The following FHIT variants were observed in gnomAD, a reference collection of about 807,000 sequenced individuals.
FHIT encodes the protein fragile histidine triad diadenosine triphosphatase, also known as bis(5'-adenosyl)-triphosphatase.
FHIT carries 19 observed loss-of-function variants against 17.9 expected under a neutral mutation model. The observed-to-expected ratio is 1.06, with a 90% confidence interval of 0.74 to 1.56. The LOEUF (loss-of-function observed/expected upper bound fraction) is 1.56. Ranked by LOEUF, FHIT falls within the 40% of genes most tolerant of loss-of-function variation. The probability of loss-of-function intolerance (pLI) is 0.00; values close to 1 mark genes in which losing one functional copy is unlikely to be tolerated. For missense variants in FHIT, 248 were observed against 189.2 expected (o/e 1.31, Z -1.82); for synonymous variants, 81 against 69.7 (o/e 1.16, Z -0.81).
intron 5 of FHIT, among the ~76,000 whole-genome samples, chr3:60,128,894 T>C (rs34600946): frequency 0.19 from 28,682 of 152,132 alleles, 3,366 homozygotes; most frequent in Non-Finnish European, 0.27. Context: ...TTGCACATAA[T>C]AGACATTCAT....
intron 4 of FHIT, among the ~76,000 whole-genome samples, chr3:60,776,442 A>G (rs1293769254): frequency 6.6e-6 from 1 of 152,248 alleles, no homozygotes; most frequent in Non-Finnish European, 1.5e-5. Flanking sequence ...AAATAGAAAC[A>G]GTCTTAAAAA....
chr3:60,437,888 T>A (rs1021082793), intron 5 of FHIT, among the ~76,000 whole-genome samples: 3 of 150,818 alleles, frequency 2.0e-5, no homozygotes, highest in Admixed American at 2.0e-4. Context: ...GACTAGTCAC[T>A]TGAATTAATA....
chr3:61,097,243 A>G (rs147601836), intron 2 of FHIT, among the ~76,000 whole-genome samples: 2,074 of 152,236 alleles, frequency 0.014, 44 homozygotes, highest in African/African-American at 0.047. Flanking sequence ...CAGTGGGTGC[A>G]GGACAGTGGG....
intron 3 of FHIT, among the ~76,000 whole-genome samples, chr3:60,917,407 G>A (rs1553767326): frequency 6.6e-6 from 1 of 152,212 alleles, no homozygotes; most frequent in Non-Finnish European, 1.5e-5. Context: ...CACAGCAGCT[G>A]AAATGATTTT....
At chr3:60,084,641 T>C (rs564067491) in intron 5 of FHIT, among the ~76,000 whole-genome samples, 2 of 152,268 alleles carry the variant, frequency 1.3e-5, no homozygotes, top group East Asian at 1.9e-4. Flanking sequence ...TATAAAAAGA[T>C]GAGACAGAGA....
At chr3:60,735,989 T>C (rs782669672) in intron 4 of FHIT, among the ~76,000 whole-genome samples, 16 of 152,276 alleles carry the variant, frequency 1.1e-4, no homozygotes, top group Middle Eastern at 3.4e-3. Context: ...AAAATGGAGA[T>C]TAAAATGGTA....
intron 8 of FHIT, among the ~76,000 whole-genome samples, chr3:59,808,937 A>G (rs1700308341): frequency 6.6e-6 from 1 of 152,090 alleles, no homozygotes; most frequent in Admixed American, 6.5e-5. Context: ...GTGCTTGAAA[A>G]ACTATATTTT....
intron 3 of FHIT, among the ~76,000 whole-genome samples, chr3:61,009,718 T>C (rs970835804): frequency 1.3e-5 from 2 of 152,202 alleles, no homozygotes; most frequent in Admixed American, 1.3e-4. Flanking sequence ...AACGATTAAT[T>C]CATTTCCTTT....
At chr3:60,237,771 T>G (rs1704884567) in intron 5 of FHIT, among the ~76,000 whole-genome samples, 1 of 152,132 alleles carries the variant, frequency 6.6e-6, no homozygotes, top group Admixed American at 6.6e-5. Flanking sequence ...CCTATTATTT[T>G]AGGAAAAGCT....
At chr3:60,295,659 G>T (rs1454676820) in intron 5 of FHIT, among the ~76,000 whole-genome samples, 2 of 152,078 alleles carry the variant, frequency 1.3e-5, no homozygotes, top group Non-Finnish European at 1.5e-5. Context: ...CGTGAGGATT[G>T]GAGGCTATTC....
chr3:59,966,187 T>C (rs1707918561), intron 7 of FHIT, among the ~76,000 whole-genome samples: 1 of 152,176 alleles, frequency 6.6e-6, no homozygotes, highest in Non-Finnish European at 1.5e-5. Flanking sequence ...ACTCTTAGTA[T>C]TCAACCTCCC....
At chr3:59,831,929 G>A (rs1409120857) in intron 8 of FHIT, among the ~76,000 whole-genome samples, 1 of 152,148 alleles carries the variant, frequency 6.6e-6, no homozygotes, top group East Asian at 1.9e-4. Flanking sequence ...GTAAGTGTGT[G>A]TGTATTGCAG....
chr3:60,063,782 T>C (rs763834717), intron 5 of FHIT, among the ~76,000 whole-genome samples: 1 of 152,168 alleles, frequency 6.6e-6, no homozygotes. Flanking sequence ...TGTGCAAGAA[T>C]GTCCTTTGTA....
At chr3:60,739,456 G>T (rs1306263568) in intron 4 of FHIT, among the ~76,000 whole-genome samples, 2 of 152,190 alleles carry the variant, frequency 1.3e-5, no homozygotes, top group African/African-American at 4.8e-5. Flanking sequence ...TCTCCCACAA[G>T]GGGTTTGAGT....
chr3:60,632,373 A>C (rs759102377), intron 4 of FHIT, among the ~76,000 whole-genome samples: 2 of 152,184 alleles, frequency 1.3e-5, no homozygotes, highest in African/African-American at 2.4e-5. Context: ...TCTCTTCCGA[A>C]CAACTATCTT....
At chr3:60,209,950 G>A (rs1436467498) in intron 5 of FHIT, among the ~76,000 whole-genome samples, 4 of 152,090 alleles carry the variant, frequency 2.6e-5, no homozygotes, top group African/African-American at 7.2e-5. Flanking sequence ...GAGGGTGTGT[G>A]GGGAGGGAAC....
intron 2 of FHIT, among the ~76,000 whole-genome samples, chr3:61,102,810 A>G (rs1234428189): frequency 6.6e-6 from 1 of 152,018 alleles, no homozygotes; most frequent in East Asian, 1.9e-4. Flanking sequence ...GAATTTATCC[A>G]TTTCTTCTAG....
At chr3:60,051,249 A>G (rs1243952653) in intron 5 of FHIT, among the ~76,000 whole-genome samples, 1 of 151,602 alleles carries the variant, frequency 6.6e-6, no homozygotes, top group African/African-American at 2.4e-5. Context: ...TGTCTCCGTA[A>G]TTTGAGTCCC....
chr3:60,193,731 G>A (rs213293), intron 5 of FHIT, among the ~76,000 whole-genome samples: 24,253 of 152,148 alleles, frequency 0.16, 2,521 homozygotes, highest in Middle Eastern at 0.27. Context: ...CAGTTTAGTG[G>A]GGGACACAGG....
Sources: allele counts gnomAD v4.1 joint callset (sites outside exome capture counted in the v4.1 genomes callset), GRCh38; gene constraint gnomAD v4.1.1; transcripts MANE v1.5; gene names NCBI Gene and HGNC (gene_info 2026-07-23, HGNC 2026-07-21).